Variants in ATP6V0D2 observed in about 807,000 individuals in gnomAD.
ATP6V0D2 encodes the protein ATPase H+ transporting V0 subunit d2, also known as V-type proton ATPase subunit d 2.
In ATP6V0D2, 40 loss-of-function variants were observed where a neutral mutation model predicts 40.0. The ratio of observed to expected loss-of-function variants is 1.00; its 90% CI spans 0.78 to 1.30. ATP6V0D2 has a LOEUF of 1.30. Among genes scored for constraint, ATP6V0D2 ranks in the 50% most tolerant of loss-of-function variants. The pLI, the probability that ATP6V0D2 is intolerant of heterozygous loss-of-function variation, is 0.00. For missense variants in ATP6V0D2, 470 were observed against 423.1 expected, an observed-to-expected ratio of 1.11 and a Z score of -0.97; for synonymous variants, 179 against 156.3, an observed-to-expected ratio of 1.15 and a Z score of -1.08.
At chr8:86,112,210 C>T (rs1818535284) in intron 1 of ATP6V0D2, among the ~76,000 whole-genome samples, 1 of 152,120 alleles carries the variant, frequency 6.6e-6, no homozygotes, top group Non-Finnish European at 1.5e-5. Flanking sequence ...ATATAATATC[C>T]TATAATAGGT....
chr8:86,118,487 A>T (rs1023880255), intron 2 of ATP6V0D2, among the ~76,000 whole-genome samples: 5 of 152,124 alleles, frequency 3.3e-5, no homozygotes, highest in African/African-American at 1.2e-4. Flanking sequence ...AAGAGATGAA[A>T]GAAGATGCCA....
intron 2 of ATP6V0D2, among the ~76,000 whole-genome samples, chr8:86,131,690 G>A (rs1011123298): frequency 2.7e-5 from 4 of 148,498 alleles, no homozygotes; most frequent in Non-Finnish European, 4.5e-5. Context: ...TAGTACAGAT[G>A]GGGTTTTACC....
In ATP6V0D2 at chr8:86,110,240, G is replaced by T. The variant is rs181390374; in HGVS notation, c.131-3469G>T. Among the ~76,000 whole-genome samples, 294 of 152,104 alleles carry T rather than the reference G, an allele frequency of 1.9e-3. 1 individual carries two copies. The highest frequency in any genetic ancestry group is 6.6e-3 in the African/African-American group (272 of 41,496). On this transcript the variant is annotated intron_variant, in intron 1 of 7. Transcript: ENST00000285393. ...CTTCTGAGTAGCTGGGATTACAGGCGCACACCACCACACCCAACTAATTTT... is the reference window on the plus strand; with the variant it reads ...CTTCTGAGTAGCTGGGATTACAGGCTCACACCACCACACCCAACTAATTTT...
Position 86,151,500 on chromosome 8 carries a change from G to C in ATP6V0D2, c.851G>C (p.Ser284Thr). ...CCTTTATTTGAAGCTGTAGGTGGCA[G>C]TGGGGGAAAGACATTGGAGGACGTG... ...YKPLFEAVGG[S>T]GGKTLEDVFY... Residue 284 changes from serine to threonine, a missense_variant, in exon 7 of 8, where the codon AGT (serine) becomes ACT (threonine). Transcript: ENST00000285393. 1 of 1,607,398 alleles carries C rather than the reference G, an allele frequency of 6.2e-7. No homozygotes were observed. The highest frequency in any genetic ancestry group is 8.5e-7 in the Non-Finnish European group (1 of 1,177,168).
chr8:86,103,720 C>T (rs1818432104), intron 1 of ATP6V0D2, among the ~76,000 whole-genome samples: 1 of 152,174 alleles, frequency 6.6e-6, no homozygotes, highest in Non-Finnish European at 1.5e-5. Flanking sequence ...GTAGTACCTA[C>T]TGAAATTCCA....
chr8:86,135,125 T>C (rs1818880363), intron 2 of ATP6V0D2, among the ~76,000 whole-genome samples: 1 of 152,188 alleles, frequency 6.6e-6, no homozygotes, highest in Admixed American at 6.5e-5. Flanking sequence ...TTTCTCTTTT[T>C]CTATCTCATG....
At chr8:86,129,156 A>T (rs1161056750) in intron 2 of ATP6V0D2, among the ~76,000 whole-genome samples, 1 of 152,220 alleles carries the variant, frequency 6.6e-6, no homozygotes, top group Non-Finnish European at 1.5e-5. Flanking sequence ...AAGTTGAATG[A>T]ATATTTTCAT....
intron 2 of ATP6V0D2, among the ~76,000 whole-genome samples, chr8:86,115,789 C>T (rs979630642): frequency 3.9e-5 from 6 of 152,114 alleles, no homozygotes; most frequent in African/African-American, 4.8e-5. Context: ...GTTAAGTGGA[C>T]CTTAACTTCT....
intron 2 of ATP6V0D2, among the ~76,000 whole-genome samples, chr8:86,124,065 T>C (rs931958018): frequency 6.6e-6 from 1 of 152,278 alleles, no homozygotes; most frequent in Admixed American, 6.5e-5. Flanking sequence ...GACACCACCA[T>C]GCCCTTGTGA....
chr8:86,098,947 T>C lies in ATP6V0D2; in HGVS notation c.-32T>C. 6.2e-7 allele frequency: 1 copy of C among 1,609,182 alleles called. No individual in the cohort carries two copies. The highest frequency in any genetic ancestry group is 1.7e-5 in the Admixed American group (1 of 59,384). ...GGGCCGTCCAGGACTACAGAGCTGT[T>C]TCACCCTACCTTGGCTTCAATCTCT... On this transcript the variant is annotated 5_prime_UTR_variant, in exon 1 of 8. Transcript: ENST00000285393.
At chr8:86,145,105 T>C (rs1359852842) in intron 5 of ATP6V0D2, among the ~76,000 whole-genome samples, 1 of 149,400 alleles carries the variant, frequency 6.7e-6, no homozygotes, top group African/African-American at 2.5e-5. Context: ...GAGGTGGAGG[T>C]TGCAGTGAGC....
chr8:86,110,639 A>C (rs774683276), intron 1 of ATP6V0D2, among the ~76,000 whole-genome samples: 2 of 152,182 alleles, frequency 1.3e-5, no homozygotes, highest in Non-Finnish European at 2.9e-5. Flanking sequence ...CACAATACAG[A>C]GGTTACAATC....
At chr8:86,125,998 T>C (rs1490959299) in intron 2 of ATP6V0D2, among the ~76,000 whole-genome samples, 1 of 150,114 alleles carries the variant, frequency 6.7e-6, no homozygotes, top group Non-Finnish European at 1.5e-5. Flanking sequence ...AGTGCAGGTG[T>C]GTGATCTTGG....
At chr8:86,104,880 T>A (rs1347544132) in intron 1 of ATP6V0D2, among the ~76,000 whole-genome samples, 37 of 71,478 alleles carry the variant, frequency 5.2e-4, no homozygotes, top group East Asian at 9.6e-4. Context: ...CACACACACA[T>A]CAAGAGCTTC....
At chr8:86,118,660 T>C (rs1184781599) in intron 2 of ATP6V0D2, among the ~76,000 whole-genome samples, 1 of 152,022 alleles carries the variant, frequency 6.6e-6, no homozygotes, top group East Asian at 1.9e-4. Context: ...ATACCTGGCA[T>C]GGATAATTAT....
chr8:86,122,366 T>G (rs1818681914), intron 2 of ATP6V0D2, among the ~76,000 whole-genome samples: 1 of 152,196 alleles, frequency 6.6e-6, no homozygotes, highest in South Asian at 2.1e-4. Flanking sequence ...TCTTTAAAGA[T>G]TCATTCCTAA....
chr8:86,145,288 A>G (rs1200649182), intron 5 of ATP6V0D2, among the ~76,000 whole-genome samples: 6 of 106,436 alleles, frequency 5.6e-5, no homozygotes, highest in South Asian at 3.6e-4. Context: ...AAAGAAAGAA[A>G]GAAAGAAAGA....
chr8:86,149,859 G>C (rs917662532), intron 5 of ATP6V0D2, among the ~76,000 whole-genome samples: 2 of 151,974 alleles, frequency 1.3e-5, no homozygotes, highest in African/African-American at 4.8e-5. Flanking sequence ...CAGGGTGCCC[G>C]GGAAATAAAT....
intron 5 of ATP6V0D2, among the ~76,000 whole-genome samples, chr8:86,148,214 C>T (rs766459976): frequency 2.6e-5 from 4 of 152,146 alleles, no homozygotes; most frequent in Non-Finnish European, 4.4e-5. Flanking sequence ...CTTATTGCCA[C>T]GAAATCTTCT....
Sources: gnomAD v4.1 joint callset for allele counts (sites outside exome capture counted in the v4.1 genomes callset) on GRCh38, gnomAD v4.1.1 for gene constraint, MANE v1.5 for transcripts, NCBI Gene and HGNC (gene_info 2026-07-23, HGNC 2026-07-21) for gene names.